HS6ST2: variants seen among roughly 807,000 people sequenced by gnomAD.
HS6ST2 encodes heparan sulfate 6-O-sulfotransferase 2.
HS6ST2 carries 17 observed loss-of-function variants against 33.0 expected under a neutral mutation model. The ratio of observed to expected loss-of-function variants is 0.52; its 90% CI spans 0.35 to 0.77. The LOEUF (loss-of-function observed/expected upper bound fraction) is 0.77, where lower values mean the gene tolerates loss of function less well. HS6ST2 is among the 30% of genes least tolerant of loss of function. The pLI is 0.01. For missense variants in HS6ST2, 519 were observed against 551.7 expected, an observed-to-expected ratio of 0.94 and a Z score of 0.59; for synonymous variants, 248 against 237.1, an observed-to-expected ratio of 1.05 and a Z score of -0.42.
At chrX:132,902,778 A>G (rs1311445191) in intron 2 of HS6ST2, among the ~76,000 whole-genome samples, 2 of 112,071 alleles carry the variant, frequency 1.8e-5, no homozygotes, top group African/African-American at 3.2e-5. Flanking sequence ...TCAATAGCTT[A>G]AAGAAAAAAG....
intron 4 of HS6ST2, among the ~76,000 whole-genome samples, chrX:132,663,774 T>A (rs2063790962): frequency 8.9e-6 from 1 of 112,028 alleles, no homozygotes; most frequent in South Asian, 3.7e-4. Context: ...CATACTTTCA[T>A]ACACACACAT....
rs760879396 is a variant in HS6ST2 at position 132,628,283 on chromosome X, C to T, written c.1878G>A (p.Gln626=). Residue 626 remains glutamine, a synonymous_variant, in exon 5 of 5, where the codon CAG becomes CAA. Transcript: ENST00000370833. The part of the protein sequence containing the change: ...ESPKQNSGKE[Q]NDNTSNGTND... ...TGGTGCCATTGCTGGTGTTATCATT[C>T]TGCTCCTTGCCTGAGTTCTGCTTCG... The T allele has an allele frequency of 2.8e-5, 33 of 1,167,765 alleles. No individual in the cohort carries two copies. In the South Asian group the frequency reaches 5.5e-4, roughly 19 times the overall value.
At chrX:132,847,007 A>T (rs903956340) in intron 2 of HS6ST2, among the ~76,000 whole-genome samples, 37 of 111,655 alleles carry the variant, frequency 3.3e-4, no homozygotes, top group Non-Finnish European at 3.8e-5. Context: ...TTAATAGTCC[A>T]TCAGAAGCAA....
At chrX:132,775,196 C>T (rs969983011) in intron 2 of HS6ST2, among the ~76,000 whole-genome samples, 5 of 111,660 alleles carry the variant, frequency 4.5e-5, no homozygotes, top group African/African-American at 1.6e-4. Flanking sequence ...ATAGACACCA[C>T]GCTAGTTCTG....
At chrX:132,655,592 G>C (rs1250845146) in intron 4 of HS6ST2, among the ~76,000 whole-genome samples, 1 of 110,590 alleles carries the variant, frequency 9.0e-6, no homozygotes, top group Non-Finnish European at 1.9e-5. Flanking sequence ...GTTTGGACAT[G>C]GGTAGTTGAA....
intron 2 of HS6ST2, among the ~76,000 whole-genome samples, chrX:132,766,521 C>T (rs185588542): frequency 9.0e-6 from 1 of 111,721 alleles, no homozygotes; most frequent in East Asian, 2.8e-4. Context: ...TGCCACTAAA[C>T]AGGCCAGTTG....
intron 2 of HS6ST2, among the ~76,000 whole-genome samples, chrX:132,922,278 G>T (rs374300827): frequency 1.8e-5 from 2 of 111,182 alleles, no homozygotes; most frequent in East Asian, 5.7e-4. Flanking sequence ...GTGTGGTGGC[G>T]GGCACCTGTA....
At chrX:132,923,665 G>T (rs2066679535) in intron 2 of HS6ST2, among the ~76,000 whole-genome samples, 1 of 111,289 alleles carries the variant, frequency 9.0e-6, no homozygotes, top group Non-Finnish European at 1.9e-5. Context: ...GCATCTCCAT[G>T]AGTTAAGTGA....
At chrX:132,637,849 T>A (rs1325338638) in intron 4 of HS6ST2, among the ~76,000 whole-genome samples, 1 of 38,835 alleles carries the variant, frequency 2.6e-5, no homozygotes, top group Non-Finnish European at 3.4e-5. Context: ...ATTTTATATA[T>A]AATATATATA....
At chrX:132,933,305 G>C (rs1490083378) in intron 2 of HS6ST2, among the ~76,000 whole-genome samples, 1 of 111,103 alleles carries the variant, frequency 9.0e-6, no homozygotes, top group East Asian at 2.8e-4. Flanking sequence ...TCCAGCCTGG[G>C]TGACAGAGCG....
At chrX:132,843,157 T>C (rs1331749767) in intron 2 of HS6ST2, among the ~76,000 whole-genome samples, 1 of 112,261 alleles carries the variant, frequency 8.9e-6, no homozygotes, top group Non-Finnish European at 1.9e-5. Context: ...ATAAGTATTA[T>C]ATCCGTTAAA....
At chrX:132,793,122 G>A (rs933624979) in intron 2 of HS6ST2, among the ~76,000 whole-genome samples, 8 of 91,925 alleles carry the variant, frequency 8.7e-5, no homozygotes, top group African/African-American at 3.3e-4. Flanking sequence ...GTGCAGTGGC[G>A]CAATCTCAGC....
At chrX:132,715,633 T>G (rs2064266917) in intron 2 of HS6ST2, among the ~76,000 whole-genome samples, 1 of 111,437 alleles carries the variant, frequency 9.0e-6, no homozygotes, top group Admixed American at 9.5e-5. Context: ...TCCCTTTACT[T>G]GACAGCACAT....
chrX:132,787,484 G>T (rs1222601970), intron 2 of HS6ST2, among the ~76,000 whole-genome samples: 2 of 96,926 alleles, frequency 2.1e-5, no homozygotes, highest in African/African-American at 7.9e-5. Context: ...GTAGAGATGG[G>T]GGTTTCACCA....
At chrX:132,719,610 G>C (rs2064310541) in intron 2 of HS6ST2, among the ~76,000 whole-genome samples, 1 of 112,099 alleles carries the variant, frequency 8.9e-6, no homozygotes, top group South Asian at 3.8e-4. Context: ...CAAAGCCTAT[G>C]TGCTTTTCAC....
At chrX:132,887,684 C>A (rs1025324142) in intron 2 of HS6ST2, among the ~76,000 whole-genome samples, 3 of 112,119 alleles carry the variant, frequency 2.7e-5, no homozygotes, top group Admixed American at 9.4e-5. Context: ...TATTTCCACA[C>A]AAAGAGCTGT....
At position 132,628,903 on chromosome X, in the gene HS6ST2, C is replaced by T. The variant is rs1352941649; in HGVS notation, c.1258G>A (p.Asp420Asn). Residue 420 changes from aspartate to asparagine, a missense_variant, in exon 5 of 5, where the codon GAC (aspartate) becomes AAC (asparagine). Asp to Asn is a conservative substitution (Grantham distance 23). Coordinates refer to ENST00000370833, the MANE Select transcript of HS6ST2 (RefSeq NM_001394073.1). Reference sequence around the variant, plus strand: ...TTGTTGGCTAGATTGTAGGGACAGTCCATAAACTCTTTGAGGGGGCAGCCA... The same window carrying T: ...TTGTTGGCTAGATTGTAGGGACAGTTCATAAACTCTTTGAGGGGGCAGCCA... Reference protein sequence around the residue: ...WSGCPLKEFMDCPYNLANNRQ... With the variant: ...WSGCPLKEFMNCPYNLANNRQ... The T allele has an allele frequency of 1.7e-6, 2 of 1,211,509 alleles. No homozygotes were observed. The highest frequency in any genetic ancestry group is 2.2e-6 in the Non-Finnish European group (2 of 895,400).
intron 3 of HS6ST2, among the ~76,000 whole-genome samples, chrX:132,675,082 C>T (rs1370347064): frequency 9.0e-6 from 1 of 111,301 alleles, no homozygotes; most frequent in Non-Finnish European, 1.9e-5. Flanking sequence ...TTTACTCTGC[C>T]AGTGAAAGAG....
At chrX:132,904,905 C>G (rs1602849307) in intron 2 of HS6ST2, among the ~76,000 whole-genome samples, 1 of 110,461 alleles carries the variant, frequency 9.1e-6, no homozygotes, top group African/African-American at 3.3e-5. Flanking sequence ...AGTACCAAGG[C>G]TTGGTGCTTT....
Sources: gnomAD v4.1 joint callset for allele counts (sites outside exome capture counted in the v4.1 genomes callset) on GRCh38, gnomAD v4.1.1 for gene constraint, MANE v1.5 for transcripts, NCBI Gene and HGNC (gene_info 2026-07-23, HGNC 2026-07-21) for gene names.